NCOA3: variants seen among roughly 807,000 people sequenced by gnomAD.
NCOA3 encodes the protein nuclear receptor coactivator 3, also known as CBP-interacting protein.
NCOA3 carries 51 observed loss-of-function variants against 158.8 expected under a neutral mutation model. The ratio of observed to expected loss-of-function variants is 0.32; its 90% CI spans 0.26 to 0.41. NCOA3 has a LOEUF of 0.41. NCOA3 is among the 10% of genes least tolerant of loss of function. The pLI is 1.00. For missense variants in NCOA3, 1,510 were observed against 1,746.6 expected, an observed-to-expected ratio of 0.86 and a Z score of 2.41; for synonymous variants, 537 against 592.4, an observed-to-expected ratio of 0.91 and a Z score of 1.36.
intron 1 of NCOA3, among the ~76,000 whole-genome samples, chr20:47,502,371 C>T (rs1316827046): frequency 2.6e-5 from 4 of 152,086 alleles, no homozygotes; most frequent in African/African-American, 4.8e-5. Context: ...CTTCCTCTTG[C>T]CTCCCCCAGC....
intron 2 of NCOA3, among the ~76,000 whole-genome samples, chr20:47,600,151 A>G (rs1442652242): frequency 2.0e-4 from 24 of 118,838 alleles, no homozygotes; most frequent in East Asian, 1.7e-3. Flanking sequence ...TGTGTATTTT[A>G]TATATTTTAT....
intron 1 of NCOA3, among the ~76,000 whole-genome samples, chr20:47,560,949 T>C (rs1487699013): frequency 6.6e-6 from 1 of 150,682 alleles, no homozygotes; most frequent in African/African-American, 2.4e-5. Flanking sequence ...GTGCCCAATA[T>C]GTAGTCTTAT....
At chr20:47,570,473 A>G (rs540847435) in intron 1 of NCOA3, among the ~76,000 whole-genome samples, 1 of 152,166 alleles carries the variant, frequency 6.6e-6, no homozygotes. Flanking sequence ...CAAACTCCTC[A>G]TCTGTTGAAG....
Position 47,530,612 on chromosome 20 carries a change from G to A in NCOA3, c.-99+28593G>A, listed in dbSNP as rs1024242386. Among the ~76,000 whole-genome samples the A allele has an allele frequency of 1.4e-4, 21 of 151,948 alleles. No homozygotes were observed. The East Asian group carries it at 3.3e-3, about 24-fold the overall frequency. ...CAAGTAGCTGGGATTACAGGCTCCCGCCACCATGCCTGGCGAATTTTTGTA... is the reference window on the plus strand; with the variant it reads ...CAAGTAGCTGGGATTACAGGCTCCCACCACCATGCCTGGCGAATTTTTGTA... On this transcript the variant is annotated intron_variant, in intron 1 of 22. Coordinates refer to ENST00000371998, the MANE Select transcript of NCOA3 (RefSeq NM_181659.3).
Position 47,651,164 on chromosome 20 carries a change from G to A in NCOA3, c.3834G>A (p.Gln1278=). ...QQQQQQQQQT[Q]AFSPPPNVTA... is the part of the protein sequence containing the mutation. ...AACAGCAGCAACAGCAGCAAACCCA[G>A]GCCTTCAGCCCACCTCCTAATGTGA... Residue 1278 remains glutamine (Q), a synonymous_variant, in exon 20 of 23, where the codon CAG becomes CAA. Transcript: ENST00000371998. The A allele has an allele frequency of 6.2e-7, 1 of 1,614,000 alleles. No homozygotes were observed. The highest frequency in any genetic ancestry group is 8.5e-7 in the Non-Finnish European group (1 of 1,179,980).
intron 1 of NCOA3, among the ~76,000 whole-genome samples, chr20:47,531,368 A>C (rs891906053): frequency 7.7e-5 from 10 of 129,588 alleles, no homozygotes; most frequent in Admixed American, 1.6e-4. Flanking sequence ...AACAAACAAA[A>C]AGAAATTGGG....
intron 9 of NCOA3, 94 bp from the exon 10 acceptor site, chr20:47,633,953 GA>G: frequency 1.4e-6 from 2 of 1,442,130 alleles, no homozygotes; most frequent in Non-Finnish European, 1.9e-6. Flanking sequence ...TGGATTTTTA[GA>G]AATGTACTTG....
At chr20:47,519,386 T>G (rs1280020171) in intron 1 of NCOA3, among the ~76,000 whole-genome samples, 1 of 151,588 alleles carries the variant, frequency 6.6e-6, no homozygotes, top group Non-Finnish European at 1.5e-5. Context: ...GAGTCAAGAC[T>G]GCACCATTGT....
chr20:47,544,755 G>T (rs970684134), intron 1 of NCOA3, among the ~76,000 whole-genome samples: 1 of 151,824 alleles, frequency 6.6e-6, no homozygotes, highest in African/African-American at 2.4e-5. Flanking sequence ...ATGGATAGTT[G>T]TGCTCTAGCT....
At chr20:47,648,417 G>C (rs550355747) in intron 18 of NCOA3, among the ~76,000 whole-genome samples, 2 of 152,108 alleles carry the variant, frequency 1.3e-5, no homozygotes, top group Non-Finnish European at 2.9e-5. Flanking sequence ...AATAATCCCA[G>C]AGAAAGCCTG....
intron 1 of NCOA3, among the ~76,000 whole-genome samples, chr20:47,557,274 A>G (rs1227312330): frequency 1.3e-5 from 2 of 152,062 alleles, no homozygotes; most frequent in South Asian, 2.1e-4. Context: ...TTTCATGCCT[A>G]TTTTCTTGGG....
At chr20:47,627,827 C>T in intron 7 of NCOA3, 78 bp downstream of exon 7, 1 of 1,575,404 alleles carries the variant, frequency 6.3e-7, no homozygotes, top group Non-Finnish European at 8.7e-7. Context: ...TGTGTTGTAA[C>T]CCTTCTTACT....
At chr20:47,522,818 G>A (rs1339657569) in intron 1 of NCOA3, among the ~76,000 whole-genome samples, 1 of 151,706 alleles carries the variant, frequency 6.6e-6, no homozygotes, top group Non-Finnish European at 1.5e-5. Flanking sequence ...CTAATGGCCT[G>A]CATTTGCATA....
At position 47,640,028 on chromosome 20, in the gene NCOA3, A is replaced by G. The variant is rs1379496501; in HGVS notation, c.3057A>G (p.Gln1019=). 3 of 1,614,104 alleles carry G rather than the reference A, an allele frequency of 1.9e-6. No individual in the cohort carries two copies. Among genetic ancestry groups the G allele is most frequent in the Middle Eastern group, 1.6e-4 (1 of 6,084 alleles). Residue 1019 remains glutamine, a synonymous_variant, in exon 16 of 23, where the codon CAA becomes CAG. Transcript: ENST00000371998. The stretch of plus-strand genomic sequence containing the variant: ...CCGATGGCATGTTGTCCATGGAACA[A>G]GTTTCTCATGGCACTCAAAATAGGT... ...SWPDGMLSME[Q]VSHGTQNRPL... is the part of the protein sequence containing the mutation.
At chr20:47,529,709 C>T (rs571395999) in intron 1 of NCOA3, among the ~76,000 whole-genome samples, 7 of 152,310 alleles carry the variant, frequency 4.6e-5, no homozygotes, top group African/African-American at 1.7e-4. Flanking sequence ...CTGCTCCTGG[C>T]CTTACCTCAA....
At chr20:47,613,999 C>G (rs1294251512) in intron 2 of NCOA3, among the ~76,000 whole-genome samples, 1 of 151,864 alleles carries the variant, frequency 6.6e-6, no homozygotes, top group Non-Finnish European at 1.5e-5. Flanking sequence ...TTGAAAGAAA[C>G]AAAGGTAGGA....
At chr20:47,549,509 A>G (rs1009735435) in intron 1 of NCOA3, among the ~76,000 whole-genome samples, 4 of 147,610 alleles carry the variant, frequency 2.7e-5, no homozygotes, top group Non-Finnish European at 6.0e-5. Context: ...ACAGCAAACT[A>G]TGATCTGTCT....
intron 1 of NCOA3, among the ~76,000 whole-genome samples, chr20:47,524,510 C>T (rs2084395263): frequency 6.6e-6 from 1 of 152,144 alleles, no homozygotes; most frequent in African/African-American, 2.4e-5. Flanking sequence ...TGGGGGAACA[C>T]CAGGGTTCTT....
chr20:47,519,712 G>A lies in NCOA3; in HGVS notation c.-99+17693G>A, dbSNP rs145178881. 2.2e-3 allele frequency among the ~76,000 whole-genome samples: 334 copies of A among 152,254 alleles called. 1 individual carries two copies. Among genetic ancestry groups the A allele is most frequent in the African/African-American group, 7.7e-3 (318 of 41,544 alleles). ...TGAGGCCCACTTGGGAGGATTGCCT[G>A]AGACCAGGAGTTCAAGACCAGCTTG... On this transcript the variant is annotated intron_variant, in intron 1 of 22. Coordinates refer to ENST00000371998, the MANE Select transcript of NCOA3 (RefSeq NM_181659.3).
Sources: gnomAD v4.1 joint callset for allele counts (sites outside exome capture counted in the v4.1 genomes callset) on GRCh38, gnomAD v4.1.1 for gene constraint, MANE v1.5 for transcripts, NCBI Gene and HGNC (gene_info 2026-07-23, HGNC 2026-07-21) for gene names.